GORAB: variants seen among roughly 807,000 people sequenced by gnomAD.
The protein encoded by GORAB is RAB6-interacting golgin.
A neutral mutation model predicts 29.9 loss-of-function variants in GORAB; 17 were observed. The ratio of observed to expected loss-of-function variants is 0.57; its 90% CI spans 0.39 to 0.85. GORAB has a LOEUF of 0.85. Ranked by LOEUF, GORAB falls within the 40% of genes least tolerant of loss-of-function variation. GORAB has a pLI of 0.00. For synonymous variants in GORAB, 183 were observed against 157.2 expected, an observed-to-expected ratio of 1.16 and a Z score of -1.23; for missense variants, 442 against 437.8, an observed-to-expected ratio of 1.01 and a Z score of -0.09.
At chr1:170,532,880 T>G (rs1648793457) in intron 1 of GORAB, among the ~76,000 whole-genome samples, 1 of 152,200 alleles carries the variant, frequency 6.6e-6, no homozygotes, top group Non-Finnish European at 1.5e-5. Flanking sequence ...CTTTATATGT[T>G]TATATACATA....
intron 1 of GORAB, among the ~76,000 whole-genome samples, chr1:170,534,024 G>A (rs1339866459): frequency 6.6e-6 from 1 of 152,132 alleles, no homozygotes; most frequent in Non-Finnish European, 1.5e-5. Flanking sequence ...GGAGTTGGTT[G>A]CCAGGAAAAA....
At chr1:170,541,140 G>A (rs911937240) in intron 2 of GORAB, among the ~76,000 whole-genome samples, 7 of 134,262 alleles carry the variant, frequency 5.2e-5, no homozygotes, top group African/African-American at 1.1e-4. Context: ...GGAGGTGGAC[G>A]TTGCAGTGAG....
In GORAB at chr1:170,541,489, G is replaced by A. The variant is rs562866799; in HGVS notation, c.420-1002G>A. 6.6e-5 allele frequency among the ~76,000 whole-genome samples: 10 copies of A among 152,166 alleles called. No homozygotes were observed. In the South Asian group the frequency reaches 2.1e-3, roughly 32 times the overall value. On this transcript the variant is annotated intron_variant, in intron 2 of 4. Transcript: ENST00000367763. ...GGCGCCTGGTGAGGAGATGCCTGCA[G>A]TAGTAAAAGTGAGAAATGACCAGTC...
At chr1:170,544,972 ATTC>A (rs1214593962) in intron 4 of GORAB, 127 bp downstream of exon 4, 14 of 1,437,352 alleles carry the variant, frequency 9.7e-6, no homozygotes, top group Non-Finnish European at 1.3e-5. Flanking sequence ...TGCTGTATTT[ATTC>A]TTCTTTTGTG....
rs567519039 is a variant in GORAB at position 170,553,831 on chromosome 1, T to G, written c.*1369T>G. On this transcript the variant is annotated 3_prime_UTR_variant, in exon 5 of 5. Coordinates refer to ENST00000367763, the MANE Select transcript of GORAB (RefSeq NM_152281.3). ...TTTTCTAAGGAATAAACAAGTCTGA[T>G]GTACTTATAGTGTCTTTCATTTACC... is the stretch of plus-strand genomic sequence containing the variant. The G allele has an allele frequency of 4.4e-6, 2 of 452,426 alleles. No individual in the cohort carries two copies. The highest frequency in any genetic ancestry group is 2.4e-5 in the Admixed American group (1 of 42,314). The allele number at this position is 452,426 out of a possible 1,614,324, so 28.0% of individuals were successfully genotyped here. A position where few individuals can be genotyped will look rare whatever the true frequency, so the allele number is the denominator to read the frequency against.
At chr1:170,550,281 G>A (rs1176622504) in intron 4 of GORAB, among the ~76,000 whole-genome samples, 1 of 152,150 alleles carries the variant, frequency 6.6e-6, no homozygotes, top group Non-Finnish European at 1.5e-5. Context: ...GAGATGAGCC[G>A]GGCAAACCTA....
chr1:170,535,219 C>G (rs5013367), intron 1 of GORAB, among the ~76,000 whole-genome samples: 1 of 152,210 alleles, frequency 6.6e-6, no homozygotes, highest in African/African-American at 2.4e-5. Context: ...TAAATTCTCT[C>G]TTCTAAAAGG....
intron 2 of GORAB, 195 bp downstream of exon 2, chr1:170,539,762 G>A: frequency 1.7e-6 from 1 of 603,106 alleles, no homozygotes; most frequent in East Asian, 3.0e-5. Flanking sequence ...CATTCTGTAT[G>A]TTTTATGTTC....
In GORAB at chr1:170,545,598, T is replaced by C. The variant is rs1025523412; in HGVS notation, c.662+753T>C. ...CCTTTCAACATTGCTTTAATCATCC[T>C]GGTTTGTCTTTTTTCACAAGGGAAT... On this transcript the variant is annotated intron_variant, in intron 4 of 4. Transcript: ENST00000367763. 3.0e-6 allele frequency: 3 copies of C among 985,308 alleles called. No individual in the cohort carries two copies. The African/African-American group carries it at 5.2e-5, about 17-fold the overall frequency. The allele number at this position is 985,308 out of a possible 1,614,324, so 61.0% of individuals were successfully genotyped here.
chr1:170,540,937 C>T (rs1472000687), intron 2 of GORAB, among the ~76,000 whole-genome samples: 1 of 151,810 alleles, frequency 6.6e-6, no homozygotes, highest in East Asian at 1.9e-4. Flanking sequence ...GCGTGGTGGC[C>T]CACACCTATA....
At chr1:170,535,515 CT>C (rs1157333117) in intron 1 of GORAB, among the ~76,000 whole-genome samples, 1 of 152,106 alleles carries the variant, frequency 6.6e-6, no homozygotes, top group African/African-American at 2.4e-5. Context: ...TTTAAGTTAT[CT>C]TTTCACTTTT....
At chr1:170,536,075 A>C (rs1229491779) in intron 1 of GORAB, among the ~76,000 whole-genome samples, 2 of 152,128 alleles carry the variant, frequency 1.3e-5, no homozygotes, top group African/African-American at 2.4e-5. Flanking sequence ...ATTGCATTGA[A>C]TCTTTAGATC....
intron 1 of GORAB, chr1:170,536,214 ATT>A (rs1649051914): frequency 6.6e-6 from 1 of 152,118 alleles, no homozygotes; most frequent in South Asian, 2.1e-4. Flanking sequence ...TTTTTGTTAG[ATT>A]TGTTCCTAGA....
chr1:170,537,074 C>G (rs1362159997), intron 1 of GORAB, among the ~76,000 whole-genome samples: 2 of 151,864 alleles, frequency 1.3e-5, no homozygotes, highest in African/African-American at 4.8e-5. Context: ...TTTCTTTTTT[C>G]CCTCCTTTCT....
Position 170,547,948 on chromosome 1 carries a change from T to C in GORAB, c.662+3103T>C, listed in dbSNP as rs547800996. Reference sequence around the variant, plus strand: ...GAGAAAATTCACCTAGGATATGTTTTGCTGAAGACTCATCTGAGATTTCAC... The same window carrying C: ...GAGAAAATTCACCTAGGATATGTTTCGCTGAAGACTCATCTGAGATTTCAC... On this transcript the variant is annotated intron_variant, in intron 4 of 4. Coordinates refer to ENST00000367763, the MANE Select transcript of GORAB (RefSeq NM_152281.3). Among the ~76,000 whole-genome samples the C allele has an allele frequency of 2.0e-5, 3 of 152,366 alleles. No individual in the cohort carries two copies. The South Asian group carries it at 6.2e-4, about 32-fold the overall frequency.
chr1:170,545,088 G>A (rs12120764), intron 4 of GORAB: 398,818 of 1,171,186 alleles, frequency 0.34, 73,055 homozygotes, highest in Non-Finnish European at 0.38. Context: ...ATTTATTTAC[G>A]TTTTAGTCTT....
chr1:170,548,585 A>C (rs1649905587), intron 4 of GORAB, among the ~76,000 whole-genome samples: 1 of 152,218 alleles, frequency 6.6e-6, no homozygotes, highest in African/African-American at 2.4e-5. Flanking sequence ...AACTAAAAAC[A>C]GGTTACAAAA....
chr1:170,544,497 G>A (rs1289003224), intron 3 of GORAB: 1 of 448,256 alleles, frequency 2.2e-6, no homozygotes, highest in African/African-American at 2.0e-5. Context: ...AGACTTATTT[G>A]TTACTTTATG....
rs775512153 is a variant in GORAB at position 170,542,610 on chromosome 1, G to GGA, written c.521+22_521+23dup. On this transcript the variant is annotated intron_variant, in intron 3 of 4. Transcript: ENST00000367763. The stretch of plus-strand genomic sequence containing the variant: ...GCAGAAAGGTGAGGCACCTGAACCA[G>GGA]GAGAGGCTGTTTGTAACCTGTAACC... 1 of 1,531,306 alleles carries GGA rather than the reference G, an allele frequency of 6.5e-7. No homozygotes were observed. Among genetic ancestry groups the GGA allele is most frequent in the South Asian group, 1.1e-5 (1 of 89,444 alleles). The allele number at this position is 1,531,306 out of a possible 1,614,324, so 94.9% of individuals were successfully genotyped here. A position where few individuals can be genotyped will look rare whatever the true frequency, so the allele number is the denominator to read the frequency against.
Sources: gnomAD v4.1 joint callset for allele counts (sites outside exome capture counted in the v4.1 genomes callset) on GRCh38, gnomAD v4.1.1 for gene constraint, MANE v1.5 for transcripts, NCBI Gene and HGNC (gene_info 2026-07-23, HGNC 2026-07-21) for gene names.